Variants in SKAP2 observed in about 807,000 individuals in gnomAD.
SKAP2 encodes the protein src kinase-associated phosphoprotein 2.
SKAP2 carries 28 observed loss-of-function variants against 54.9 expected under a neutral mutation model. That is an observed-to-expected ratio of 0.51 (90% CI 0.38 to 0.70). The LOEUF (loss-of-function observed/expected upper bound fraction) is 0.70, where lower values mean the gene tolerates loss of function less well. Ranked by LOEUF, SKAP2 falls within the 30% of genes least tolerant of loss-of-function variation. The pLI is 0.00. For synonymous variants in SKAP2, 137 were observed against 134.3 expected (o/e 1.02, Z -0.14); for missense variants, 356 against 424.1 (o/e 0.84, Z 1.41).
chr7:26,814,236 G>T (rs1160528386), intron 4 of SKAP2, among the ~76,000 whole-genome samples: 3 of 152,070 alleles, frequency 2.0e-5, no homozygotes, highest in Admixed American at 1.3e-4. Context: ...TATAATTGTT[G>T]TAAATTATTT....
chr7:26,821,106 C>T (rs1412649354), intron 4 of SKAP2, among the ~76,000 whole-genome samples: 2 of 143,812 alleles, frequency 1.4e-5, no homozygotes, highest in African/African-American at 5.0e-5. Context: ...CATGATGAAA[C>T]ATAAGAGTTT....
intron 1 of SKAP2, among the ~76,000 whole-genome samples, chr7:26,863,274 T>C (rs1562640126): frequency 6.6e-6 from 1 of 152,182 alleles, no homozygotes; most frequent in Non-Finnish European, 1.5e-5. Flanking sequence ...ATAAAATGTG[T>C]CATCAAATGT....
At chr7:26,745,117 A>C (rs546451612) in intron 4 of SKAP2, among the ~76,000 whole-genome samples, 1 of 148,728 alleles carries the variant, frequency 6.7e-6, no homozygotes, top group Admixed American at 6.7e-5. Context: ...TCTAGTTGGC[A>C]TTTATATAGT....
At chr7:26,725,381 C>G in intron 9 of SKAP2, 47 bp downstream of exon 9, 1 of 1,456,156 alleles carries the variant, frequency 6.9e-7, no homozygotes, top group Non-Finnish European at 9.5e-7. Flanking sequence ...CTCACACACA[C>G]ACACACAGCC....
chr7:26,752,838 G>GGAATTGTCCT (rs1782714584), intron 4 of SKAP2, among the ~76,000 whole-genome samples: 1 of 152,140 alleles, frequency 6.6e-6, no homozygotes, highest in South Asian at 2.1e-4. Flanking sequence ...CTCAGTGCCA[G>GGAATTGTCCT]GACAATTCCA....
chr7:26,755,401 G>A (rs1054931865), intron 4 of SKAP2, among the ~76,000 whole-genome samples: 7 of 151,946 alleles, frequency 4.6e-5, no homozygotes, highest in African/African-American at 1.7e-4. Context: ...ACTTATTCAA[G>A]GTGTATTTAT....
the SKAP2 span, among the ~76,000 whole-genome samples, chr7:26,655,953 G>C: frequency 2.0e-5 from 3 of 152,136 alleles, no homozygotes; most frequent in African/African-American, 7.2e-5. Flanking sequence ...GGAAATGTTA[G>C]CAAGGGCTTC....
chr7:26,825,077 T>C (rs1784460831), intron 4 of SKAP2, among the ~76,000 whole-genome samples: 1 of 152,212 alleles, frequency 6.6e-6, no homozygotes, highest in Non-Finnish European at 1.5e-5. Flanking sequence ...CTTGAGTACT[T>C]GATTTATTTT....
At chr7:26,839,019 A>G (rs1784767197) in intron 4 of SKAP2, among the ~76,000 whole-genome samples, 1 of 152,116 alleles carries the variant, frequency 6.6e-6, no homozygotes. Flanking sequence ...TTAAAGATGC[A>G]TTATTTTTCA....
intron 4 of SKAP2, among the ~76,000 whole-genome samples, chr7:26,752,019 CTT>C (rs1222695711): frequency 2.0e-5 from 3 of 152,070 alleles, no homozygotes; most frequent in Non-Finnish European, 2.9e-5. Flanking sequence ...TATGGGAACT[CTT>C]TGTGTTATTC....
At chr7:26,711,616 G>C (rs184873892) in intron 9 of SKAP2, among the ~76,000 whole-genome samples, 2 of 152,340 alleles carry the variant, frequency 1.3e-5, no homozygotes, top group African/African-American at 4.8e-5. Context: ...AGTTCAGTCT[G>C]TCTGGAGCAT....
At chr7:26,654,989 C>T in the SKAP2 span, among the ~76,000 whole-genome samples, 1 of 152,162 alleles carries the variant, frequency 6.6e-6, no homozygotes, top group Non-Finnish European at 1.5e-5. Flanking sequence ...CAGATGGCCT[C>T]TTAGAGCTGC....
intron 4 of SKAP2, among the ~76,000 whole-genome samples, chr7:26,747,046 A>C (rs1332263049): frequency 6.6e-6 from 1 of 152,200 alleles, no homozygotes; most frequent in Non-Finnish European, 1.5e-5. Flanking sequence ...TCTGTTTATC[A>C]GTATTTTTAG....
At chr7:26,665,673 C>T (rs1786094244), downstream of SKAP2, among the ~76,000 whole-genome samples, 1 of 152,090 alleles carries the variant, frequency 6.6e-6, no homozygotes, top group South Asian at 2.1e-4. Flanking sequence ...TCATTCCATG[C>T]TACTGTGATC....
intron 3 of SKAP2, among the ~76,000 whole-genome samples, chr7:26,847,807 A>G (rs1457289103): frequency 6.6e-6 from 1 of 152,176 alleles, no homozygotes; most frequent in Non-Finnish European, 1.5e-5. Context: ...CTTCTTTGTA[A>G]AAGTTATTGC....
chr7:26,664,585 C>T (rs930169326), downstream of SKAP2, among the ~76,000 whole-genome samples: 6 of 152,014 alleles, frequency 3.9e-5, no homozygotes, highest in African/African-American at 1.2e-4. Flanking sequence ...AATTGCAGTT[C>T]AAGCTACAAA....
At chr7:26,832,419 GA>G (rs1173551305) in intron 4 of SKAP2, among the ~76,000 whole-genome samples, 2 of 152,116 alleles carry the variant, frequency 1.3e-5, no homozygotes, top group Non-Finnish European at 2.9e-5. Context: ...GACTAGTTAT[GA>G]AAAAGTTTTA....
chr7:26,727,112 C>A, intron 6 of SKAP2, 106 bp from the exon 7 acceptor site: 1 of 892,634 alleles, frequency 1.1e-6, no homozygotes. Flanking sequence ...ATTTTTTGGT[C>A]ATATTGCTTT....
intron 4 of SKAP2, among the ~76,000 whole-genome samples, chr7:26,776,738 C>A (rs1783318658): frequency 6.6e-6 from 1 of 152,200 alleles, no homozygotes; most frequent in Non-Finnish European, 1.5e-5. Context: ...ATTCTCCATA[C>A]TTCTGCCAAG....
Sources: allele counts gnomAD v4.1 joint callset (sites outside exome capture counted in the v4.1 genomes callset), GRCh38; gene constraint gnomAD v4.1.1; transcripts MANE v1.5; gene names NCBI Gene and HGNC (gene_info 2026-07-23, HGNC 2026-07-21).